Variants in PSEN2 observed in about 807,000 individuals in gnomAD.
The protein encoded by PSEN2 is presenilin-2.
A neutral mutation model predicts 49.1 loss-of-function variants in PSEN2; 32 were observed. The observed-to-expected ratio is 0.65, with a 90% CI of 0.49 to 0.88. The LOEUF (loss-of-function observed/expected upper bound fraction) is 0.88, where lower values mean the gene tolerates loss of function less well. Among genes scored for constraint, PSEN2 ranks in the 40% least tolerant of loss-of-function variants. The probability of loss-of-function intolerance (pLI) is 0.00; values close to 1 mark genes in which losing one functional copy is unlikely to be tolerated. For synonymous variants in PSEN2, 255 were observed against 244.0 expected, an observed-to-expected ratio of 1.05 and a Z score of -0.42; for missense variants, 522 against 586.9, an observed-to-expected ratio of 0.89 and a Z score of 1.14.
At position 226,881,906 on chromosome 1, in the gene PSEN2, C is replaced by T. The variant is rs775235673; in HGVS notation, c.-2C>T. 1.2e-6 allele frequency: 2 copies of T among 1,614,226 alleles called. No homozygotes were observed. Among genetic ancestry groups the T allele is most frequent in the South Asian group, 2.2e-5 (2 of 91,088 alleles). On this transcript the variant is annotated 5_prime_UTR_variant, in exon 4 of 13. Transcript: ENST00000366783. ...TTTCCAGGTGCTTCCAGAGGCAGGG[C>T]TATGCTCACATTCATGGCCTCTGAC...
At chr1:226,889,415 T>C (rs909507312) in intron 8 of PSEN2, among the ~76,000 whole-genome samples, 1 of 152,164 alleles carries the variant, frequency 6.6e-6, no homozygotes, top group African/African-American at 2.4e-5. Context: ...TAGATAGGAT[T>C]ATAGGCATGT....
intron 2 of PSEN2, among the ~76,000 whole-genome samples, chr1:226,874,845 C>T (rs761305945): frequency 2.0e-5 from 3 of 152,148 alleles, no homozygotes; most frequent in Non-Finnish European, 4.4e-5. Context: ...CATAGGCAGG[C>T]GATCTGAACC....
chr1:226,891,885 C>T (rs375520284), intron 11 of PSEN2, 41 bp downstream of exon 11: 45 of 1,581,132 alleles, frequency 2.8e-5, no homozygotes, highest in Non-Finnish European at 3.6e-5. Flanking sequence ...CAGCCTACGG[C>T]GGGAGCGGAG....
intron 3 of PSEN2, among the ~76,000 whole-genome samples, chr1:226,877,130 A>C (rs1181557983): frequency 6.6e-6 from 1 of 152,170 alleles, no homozygotes; most frequent in Non-Finnish European, 1.5e-5. Context: ...TTGCTGAGAA[A>C]GGGCCCCAGC....
At chr1:226,903,029 A>G (rs930694543) in intron 12 of PSEN2, among the ~76,000 whole-genome samples, 6 of 147,004 alleles carry the variant, frequency 4.1e-5, no homozygotes, top group South Asian at 2.1e-4. Context: ...CAACCTTTCT[A>G]TAGGCTTGAA....
intron 3 of PSEN2, among the ~76,000 whole-genome samples, chr1:226,876,132 C>T (rs956774059): frequency 8.5e-5 from 13 of 152,062 alleles, no homozygotes; most frequent in Admixed American, 2.0e-4. Flanking sequence ...GGGGAGAGTT[C>T]ATCGCGTCAC....
At chr1:226,891,498 C>T (rs753046398) in intron 10 of PSEN2, 137 bp downstream of exon 10, 68 of 798,904 alleles carry the variant, frequency 8.5e-5, no homozygotes, top group African/African-American at 1.2e-4. Context: ...GAAAACCAGC[C>T]GGACACATGC....
rs553710955 is a variant in PSEN2, at chr1:226,871,264, A to G, written c.-347A>G. ...GCGGTGTTTGGCTGTTTTATCAGGC[A>G]TTTCCAGCAGTGAGGAGACAGCCAG... On this transcript the variant is annotated splice_region_variant and 5_prime_UTR_variant, in exon 2 of 13. Coordinates refer to ENST00000366783, the MANE Select transcript of PSEN2 (RefSeq NM_000447.3). The G allele has an allele frequency of 2.0e-5, 3 of 152,412 alleles. No homozygotes were observed. The South Asian group carries it at 6.2e-4, about 32-fold the overall frequency. The allele number at this position is 152,412 out of a possible 1,614,324, so 9.4% of individuals were successfully genotyped here.
At chr1:226,897,426 G>A (rs1258917581), downstream of PSEN2, 1 of 154,140 alleles carries the variant, frequency 6.5e-6, no homozygotes, top group Admixed American at 6.5e-5. Context: ...AGGAAGAAAT[G>A]AAGGGGCCTG....
chr1:226,880,717 A>C (rs1660932212), intron 3 of PSEN2: 1 of 1,612,910 alleles, frequency 6.2e-7, no homozygotes, highest in African/African-American at 1.3e-5. Flanking sequence ...CTGCATGTGT[A>C]GATTTTGGTA....
In PSEN2 at chr1:226,895,795, C is replaced by T. The variant is rs201488196; in HGVS notation, c.*216C>T. 1.1e-4 allele frequency: 69 copies of T among 601,494 alleles called. No individual in the cohort carries two copies. In the Middle Eastern group the frequency reaches 1.8e-3, roughly 16 times the overall value. The allele number at this position is 601,494 out of a possible 1,614,324, so 37.3% of individuals were successfully genotyped here. On this transcript the variant is annotated 3_prime_UTR_variant, in exon 13 of 13. Coordinates refer to ENST00000366783, the MANE Select transcript of PSEN2 (RefSeq NM_000447.3). ...CCGCTTTGGGGAGCGCCTCGCTTCA[C>T]GGACAGGAAGCACAGCAGGTTTATC...
chr1:226,875,782 A>T (rs1660590061), intron 3 of PSEN2, among the ~76,000 whole-genome samples: 1 of 152,246 alleles, frequency 6.6e-6, no homozygotes, highest in African/African-American at 2.4e-5. Flanking sequence ...CTGCTGACAC[A>T]AGCACGGCTG....
intron 3 of PSEN2, among the ~76,000 whole-genome samples, chr1:226,877,955 C>T (rs968299702): frequency 1.3e-5 from 2 of 152,210 alleles, no homozygotes; most frequent in Non-Finnish European, 2.9e-5. Context: ...CACTGTCTAG[C>T]GCAGTGTCAC....
chr1:226,896,463 C>T (rs1662153735), downstream of PSEN2, among the ~76,000 whole-genome samples: 1 of 152,182 alleles, frequency 6.6e-6, no homozygotes, highest in Admixed American at 6.5e-5. Context: ...TCAGAAACCA[C>T]TCTCCTTTCC....
At chr1:226,897,291 G>A (rs981755331), downstream of PSEN2, among the ~76,000 whole-genome samples, 10 of 152,216 alleles carry the variant, frequency 6.6e-5, no homozygotes, top group Non-Finnish European at 1.5e-5. Context: ...CCAAAGATGG[G>A]ATTGGACATA....
intron 4 of PSEN2, among the ~76,000 whole-genome samples, chr1:226,882,907 T>G (rs1661089695): frequency 6.6e-6 from 1 of 152,240 alleles, no homozygotes; most frequent in African/African-American, 2.4e-5. Flanking sequence ...ACGTCTAGAT[T>G]GGGACTCTCT....
At chr1:226,880,388 TA>T (rs987988258) in intron 3 of PSEN2, 20 of 736,696 alleles carry the variant, frequency 2.7e-5, no homozygotes, top group Non-Finnish European at 3.8e-5. Context: ...GAAATAAAAA[TA>T]AAAAAAATCA....
intron 12 of PSEN2, chr1:226,903,585 TC>T (rs1662378971): frequency 6.6e-6 from 1 of 152,192 alleles, no homozygotes; most frequent in Admixed American, 6.5e-5. Flanking sequence ...ATCTACCTGA[TC>T]CTGCTGCCCT....
rs935329879 is a variant in PSEN2, at chr1:226,885,524, G to A, written c.357-14G>A. 5 of 1,613,372 alleles carry A rather than the reference G, an allele frequency of 3.1e-6. No homozygotes were observed. Among genetic ancestry groups the A allele is most frequent in the Non-Finnish European group, 2.5e-6 (3 of 1,179,828 alleles). ...TCAGGGCCGGGAGCATCAGCCCTTT[G>A]CCTTCTCCCTCAGCATCTACACGCC... On this transcript the variant is annotated splice_polypyrimidine_tract_variant and intron_variant, in intron 5 of 12. Transcript: ENST00000366783.
Sources: allele counts gnomAD v4.1 joint callset (sites outside exome capture counted in the v4.1 genomes callset), GRCh38; gene constraint gnomAD v4.1.1; transcripts MANE v1.5; gene names NCBI Gene and HGNC (gene_info 2026-07-23, HGNC 2026-07-21).